Variants in CDH13 observed in about 807,000 individuals in gnomAD.
CDH13 encodes the protein cadherin-13.
Under a neutral mutation model 63.8 loss-of-function variants are expected in CDH13, and 24 were observed. That is an observed-to-expected ratio of 0.38 (90% CI 0.27 to 0.53). CDH13 has a LOEUF of 0.53. Ranked by LOEUF, CDH13 falls within the 20% of genes least tolerant of loss-of-function variation. CDH13 has a pLI of 0.85. For synonymous variants in CDH13, 503 were observed against 355.3 expected (o/e 1.42, Z -4.67); for missense variants, 1,049 against 903.1 (o/e 1.16, Z -2.07).
intron 1 of CDH13, among the ~76,000 whole-genome samples, chr16:82,741,008 C>G (rs929547176): frequency 7.2e-5 from 11 of 152,018 alleles, no homozygotes; most frequent in Admixed American, 7.2e-4. Context: ...ATTGAATAAC[C>G]CAAGCTAAAA....
chr16:83,195,854 G>A (rs1457542219), intron 4 of CDH13, among the ~76,000 whole-genome samples: 1 of 152,192 alleles, frequency 6.6e-6, no homozygotes, highest in East Asian at 1.9e-4. Context: ...GATGAGAAAG[G>A]AAGTCAGTGG....
intron 3 of CDH13, among the ~76,000 whole-genome samples, chr16:83,107,750 T>TC (rs2034844073): frequency 6.6e-6 from 1 of 150,742 alleles, no homozygotes. Flanking sequence ...TTTTTTTTTT[T>TC]ACAATCACAT....
chr16:83,661,206 G>C (rs1017543562), intron 8 of CDH13, among the ~76,000 whole-genome samples: 1 of 152,156 alleles, frequency 6.6e-6, no homozygotes, highest in African/African-American at 2.4e-5. Flanking sequence ...AAACATTCTT[G>C]CTGGACTCAG....
chr16:83,794,882 GA>G (rs147186305), intron 13 of CDH13, 140 bp from the exon 14 acceptor site: 1,069 of 709,076 alleles, frequency 1.5e-3, no homozygotes, highest in Admixed American at 1.7e-3. Flanking sequence ...GATCCTTAAG[GA>G]AAAAAAAAAT....
intron 6 of CDH13, among the ~76,000 whole-genome samples, chr16:83,419,284 T>A (rs1292047538): frequency 2.0e-5 from 3 of 152,200 alleles, no homozygotes. Context: ...GGAAGATGCC[T>A]CTTCCACCCA....
At chr16:83,643,902 C>G (rs936354951) in intron 8 of CDH13, among the ~76,000 whole-genome samples, 3 of 152,222 alleles carry the variant, frequency 2.0e-5, no homozygotes, top group Non-Finnish European at 4.4e-5. Flanking sequence ...TACGTACTAC[C>G]CAGCTCTTCC....
At chr16:83,176,457 C>T (rs370723369) in intron 4 of CDH13, among the ~76,000 whole-genome samples, 1 of 145,860 alleles carries the variant, frequency 6.9e-6, no homozygotes, top group Admixed American at 6.9e-5. Flanking sequence ...TTGCAATGAG[C>T]CCAGATTGCA....
intron 1 of CDH13, among the ~76,000 whole-genome samples, chr16:82,779,020 A>C (rs1567524636): frequency 6.6e-6 from 1 of 152,242 alleles, no homozygotes; most frequent in Non-Finnish European, 1.5e-5. Context: ...CGGAAAGCAA[A>C]GAAATGGCTG....
At chr16:83,440,423 G>A (rs2072446470) in intron 6 of CDH13, among the ~76,000 whole-genome samples, 1 of 152,120 alleles carries the variant, frequency 6.6e-6, no homozygotes, top group Non-Finnish European at 1.5e-5. Flanking sequence ...CCAACACTGT[G>A]GAATGGGAAC....
rs562257565 is a variant in CDH13 at position 83,763,884 on chromosome 16, A to C, written c.1681+15634A>C. The stretch of plus-strand genomic sequence containing the variant: ...ATCAGAGCCATTGGAGGGGCAGCAC[A>C]CTGGGTCCACTGAGATAATGGAGCC... On this transcript the variant is annotated intron_variant, in intron 11 of 13. Coordinates refer to ENST00000567109, the MANE Select transcript of CDH13 (RefSeq NM_001257.5). Among the ~76,000 whole-genome samples, 4 of 152,272 alleles carry C rather than the reference A, an allele frequency of 2.6e-5. No individual in the cohort carries two copies. The East Asian group carries it at 7.7e-4, about 29-fold the overall frequency.
intron 1 of CDH13, among the ~76,000 whole-genome samples, chr16:82,758,433 C>CA (rs995240742): frequency 5.9e-5 from 9 of 151,938 alleles, no homozygotes; most frequent in African/African-American, 2.2e-4. Flanking sequence ...GATACCCCCC[C>CA]CCCTTTGCTT....
At chr16:83,029,466 T>C (rs1338986072) in intron 2 of CDH13, among the ~76,000 whole-genome samples, 1 of 152,136 alleles carries the variant, frequency 6.6e-6, no homozygotes, top group African/African-American at 2.4e-5. Context: ...AATGGAATAC[T>C]CTATGATGAT....
In CDH13 at chr16:83,798,028, A is replaced by C. The variant is rs937293389; in HGVS notation, c.*2998A>C. On this transcript the variant is annotated 3_prime_UTR_variant, in exon 14 of 14. Coordinates refer to ENST00000567109, the MANE Select transcript of CDH13 (RefSeq NM_001257.5). Reference sequence around the variant, plus strand: ...GCCGACACCAGCAAATCTAAGCATTATAACGAAATAAATCCAGCCAGATTT... The same window carrying C: ...GCCGACACCAGCAAATCTAAGCATTCTAACGAAATAAATCCAGCCAGATTT... 12 of 152,232 alleles carry C rather than the reference A, an allele frequency of 7.9e-5. No homozygotes were observed. The highest frequency in any genetic ancestry group is 2.9e-4 in the African/African-American group (12 of 41,460). The allele number at this position is 152,232 out of a possible 1,614,324, so 9.4% of individuals were successfully genotyped here.
chr16:82,802,360 C>G (rs1169204680), intron 1 of CDH13, among the ~76,000 whole-genome samples: 1 of 152,170 alleles, frequency 6.6e-6, no homozygotes, highest in Non-Finnish European at 1.5e-5. Flanking sequence ...AAGCTGGTGG[C>G]TTTCTCAGCT....
At chr16:82,999,494 A>G (rs1441716966) in intron 2 of CDH13, among the ~76,000 whole-genome samples, 1 of 152,152 alleles carries the variant, frequency 6.6e-6, no homozygotes, top group Non-Finnish European at 1.5e-5. Flanking sequence ...ATTCTTGATG[A>G]TACCAAGATA....
intron 2 of CDH13, among the ~76,000 whole-genome samples, chr16:82,941,400 G>A (rs1434951756): frequency 1.3e-5 from 2 of 152,152 alleles, no homozygotes; most frequent in African/African-American, 4.8e-5. Flanking sequence ...ATTTCACGGG[G>A]GTGGGTGCTC....
intron 11 of CDH13, among the ~76,000 whole-genome samples, chr16:83,757,085 A>G (rs988485059): frequency 4.6e-5 from 7 of 152,350 alleles, no homozygotes; most frequent in Non-Finnish European, 7.3e-5. Context: ...TCCTCCAATC[A>G]CAATGGAATT....
At chr16:83,577,906 T>A (rs2150716487) in intron 7 of CDH13, among the ~76,000 whole-genome samples, 2 of 152,364 alleles carry the variant, frequency 1.3e-5, no homozygotes, top group East Asian at 3.9e-4. Context: ...TTGCTGTATA[T>A]AATTCTCCTG....
intron 8 of CDH13, among the ~76,000 whole-genome samples, chr16:83,618,332 G>T (rs1273977585): frequency 6.6e-6 from 1 of 151,982 alleles, no homozygotes; most frequent in Admixed American, 6.6e-5. Context: ...GGCTGAGGCA[G>T]GAGAATTGCT....
Sources: gnomAD v4.1 joint callset for allele counts (sites outside exome capture counted in the v4.1 genomes callset) on GRCh38, gnomAD v4.1.1 for gene constraint, MANE v1.5 for transcripts, NCBI Gene and HGNC (gene_info 2026-07-23, HGNC 2026-07-21) for gene names.